The following LRTM1 variants were observed in gnomAD, a reference collection of about 807,000 sequenced individuals.
LRTM1 encodes leucine rich repeat transmembrane protein 1, also known as leucine-rich repeat and transmembrane domain-containing protein 1.
In LRTM1, 38 loss-of-function variants were observed where a neutral mutation model predicts 32.4. The observed-to-expected ratio is 1.17, with a 90% CI of 0.91 to 1.54. The LOEUF (loss-of-function observed/expected upper bound fraction) is 1.54, where lower values mean the gene tolerates loss of function less well. Among genes scored for constraint, LRTM1 ranks in the 40% most tolerant of loss-of-function variants. The pLI, the probability that LRTM1 is intolerant of heterozygous loss-of-function variation, is 0.00. For synonymous variants in LRTM1, 186 were observed against 169.9 expected, an observed-to-expected ratio of 1.09 and a Z score of -0.74; for missense variants, 466 against 415.4, an observed-to-expected ratio of 1.12 and a Z score of -1.06.
intron 1 of LRTM1, among the ~76,000 whole-genome samples, chr3:54,955,226 A>G (rs929765493): frequency 1.3e-5 from 2 of 152,114 alleles, no homozygotes; most frequent in African/African-American, 4.8e-5. Flanking sequence ...CCTGGAGGAG[A>G]CGGGCAGACA....
At chr3:54,949,112 C>G (rs1701690405) in intron 1 of LRTM1, among the ~76,000 whole-genome samples, 1 of 152,156 alleles carries the variant, frequency 6.6e-6, no homozygotes, top group Non-Finnish European at 1.5e-5. Context: ...GATTGGCAAA[C>G]TCAGTGGAAA....
intron 1 of LRTM1, among the ~76,000 whole-genome samples, chr3:54,956,262 C>T (rs1467074150): frequency 1.3e-5 from 2 of 152,324 alleles, no homozygotes; most frequent in African/African-American, 2.4e-5. Flanking sequence ...TGAGCAGACC[C>T]GTAAGCGCAT....
chr3:54,918,593 T>G lies in LRTM1; in HGVS notation c.904A>C (p.Met302Leu). The G allele has an allele frequency of 6.2e-7, 1 of 1,614,154 alleles. No homozygotes were observed. The highest frequency in any genetic ancestry group is 8.5e-7 in the Non-Finnish European group (1 of 1,180,016). The change falls in exon 3 of 3, where the codon ATG becomes CTG. Residue 302 changes from methionine (M) to leucine (L), a missense_variant. Met to Leu is a conservative substitution (Grantham distance 15, BLOSUM62 2). Transcript: ENST00000273286. ...CCATAGATGGCAGCTGCCAACATCA[T>G]GAGACACACAATCCCACACACAACG... ...TGVVCGIVCL[M>L]MLAAAIYGCT...
intron 1 of LRTM1, among the ~76,000 whole-genome samples, chr3:54,945,258 G>A (rs1701583676): frequency 6.6e-6 from 1 of 152,194 alleles, no homozygotes; most frequent in African/African-American, 2.4e-5. Flanking sequence ...AATACATGGT[G>A]TTGATACCTG....
intron 1 of LRTM1, among the ~76,000 whole-genome samples, chr3:54,961,723 C>A (rs1264624108): frequency 6.6e-6 from 1 of 152,146 alleles, no homozygotes; most frequent in Non-Finnish European, 1.5e-5. Flanking sequence ...GGGTTCTGTA[C>A]CCTGACCTGT....
chr3:54,947,196 G>A (rs1318920173), intron 1 of LRTM1, among the ~76,000 whole-genome samples: 1 of 152,114 alleles, frequency 6.6e-6, no homozygotes, highest in Non-Finnish European at 1.5e-5. Flanking sequence ...TAAGTAACTT[G>A]CCTAAATCCC....
At chr3:54,942,427 G>A (rs899428468) in intron 1 of LRTM1, among the ~76,000 whole-genome samples, 3 of 152,214 alleles carry the variant, frequency 2.0e-5, no homozygotes, top group Non-Finnish European at 4.4e-5. Context: ...AGAAATAAGC[G>A]AAGAGGGAAA....
intron 1 of LRTM1, among the ~76,000 whole-genome samples, chr3:54,940,260 A>G (rs1180629048): frequency 6.6e-6 from 1 of 152,188 alleles, no homozygotes; most frequent in Non-Finnish European, 1.5e-5. Flanking sequence ...ACTATTTTCT[A>G]CTTATCCTTG....
chr3:54,966,076 C>T (rs923778906), intron 1 of LRTM1, among the ~76,000 whole-genome samples: 11 of 151,954 alleles, frequency 7.2e-5, no homozygotes, highest in African/African-American at 1.7e-4. Flanking sequence ...AAACACCCAG[C>T]GGGGAGCAGC....
intron 2 of LRTM1, among the ~76,000 whole-genome samples, chr3:54,924,309 A>G (rs1700945497): frequency 6.6e-6 from 1 of 152,242 alleles, no homozygotes; most frequent in South Asian, 2.1e-4. Context: ...TTGAGCAGTT[A>G]TTCAGGTGGT....
chr3:54,928,382 A>G (rs1343933413), upstream of LRTM1, among the ~76,000 whole-genome samples: 3 of 152,124 alleles, frequency 2.0e-5, no homozygotes, highest in East Asian at 5.8e-4. Flanking sequence ...CTGTTGACTT[A>G]TTAACCATGC....
intron 1 of LRTM1, among the ~76,000 whole-genome samples, chr3:54,960,560 T>G (rs1702006836): frequency 6.6e-6 from 1 of 152,198 alleles, no homozygotes; most frequent in Admixed American, 6.5e-5. Flanking sequence ...TTATAACAAA[T>G]GCATATTGCT....
intron 1 of LRTM1, among the ~76,000 whole-genome samples, 197 bp downstream of exon 1, chr3:54,927,708 A>G (rs1472856714): frequency 6.6e-6 from 1 of 152,198 alleles, no homozygotes; most frequent in Non-Finnish European, 1.5e-5. Flanking sequence ...TCATGACTGC[A>G]TACATTTCTC....
chr3:54,953,562 C>G (rs1196864790), intron 1 of LRTM1, among the ~76,000 whole-genome samples: 1 of 152,156 alleles, frequency 6.6e-6, no homozygotes, highest in Non-Finnish European at 1.5e-5. Context: ...CTCAGGAGAC[C>G]TTATTCTCTC....
chr3:54,925,882 T>C (rs1701000017), intron 1 of LRTM1, among the ~76,000 whole-genome samples: 1 of 152,252 alleles, frequency 6.6e-6, no homozygotes, highest in South Asian at 2.1e-4. Flanking sequence ...ATTTTTGCCG[T>C]TGTAATTCCA....
rs187976917 is a variant in LRTM1, at chr3:54,921,021, G to A, written c.605-2129C>T. On this transcript the variant is annotated intron_variant, in intron 2 of 2. Transcript: ENST00000273286. ...TCTCCTGTGCAGGTGATCCTCAGCC[G>A]GGATGCAACTCCCACTCTCCACCAT... Among the ~76,000 whole-genome samples the A allele has an allele frequency of 5.1e-4, 77 of 152,220 alleles. 1 individual carries two copies. Among genetic ancestry groups the A allele is most frequent in the African/African-American group, 1.8e-3 (75 of 41,518 alleles).
intron 2 of LRTM1, among the ~76,000 whole-genome samples, chr3:54,919,980 C>T (rs1159073124): frequency 3.3e-5 from 5 of 152,140 alleles, no homozygotes; most frequent in Non-Finnish European, 7.3e-5. Context: ...TCGGCACTGT[C>T]TGCTAGGAAG....
intron 2 of LRTM1, among the ~76,000 whole-genome samples, chr3:54,921,359 G>A (rs538589354): frequency 6.6e-6 from 1 of 152,248 alleles, no homozygotes; most frequent in African/African-American, 2.4e-5. Flanking sequence ...GACTCAGTTG[G>A]ATAAAATATA....
chr3:54,943,075 GC>G (rs1162162358), intron 1 of LRTM1, among the ~76,000 whole-genome samples: 1 of 151,890 alleles, frequency 6.6e-6, no homozygotes, highest in Non-Finnish European at 1.5e-5. Context: ...GGTAGCAGGT[GC>G]CTGTAGTCCC....
Sources: allele counts gnomAD v4.1 joint callset (sites outside exome capture counted in the v4.1 genomes callset), GRCh38; gene constraint gnomAD v4.1.1; transcripts MANE v1.5; gene names NCBI Gene and HGNC (gene_info 2026-07-23, HGNC 2026-07-21).